C1orf210: variants seen among roughly 807,000 people sequenced by gnomAD.
C1orf210 encodes the protein chromosome 1 open reading frame 210.
A neutral mutation model predicts 3.7 loss-of-function variants in C1orf210; 3 were observed. The ratio of observed to expected loss-of-function variants is 0.81; its 90% CI spans 0.37 to 2.08. The LOEUF is 2.08. C1orf210 is among the 30% of genes most tolerant of loss of function. The pLI is 0.06. For missense variants in C1orf210, 143 were observed against 147.7 expected (o/e 0.97, Z 0.17); for synonymous variants, 62 against 61.7 (o/e 1.00, Z -0.02).
chr1:43,283,142 C>T (rs998875613), intron 2 of C1orf210, 35 bp from the exon 3 acceptor site: 1 of 1,601,234 alleles, frequency 6.2e-7, no homozygotes, highest in East Asian at 2.2e-5. Context: ...AGGTGGGCCC[C>T]AGAGGGGGCT....
At position 43,283,357 on chromosome 1, in the gene C1orf210, A is replaced by G; in HGVS notation, c.-87T>C. On this transcript the variant is annotated 5_prime_UTR_variant, in exon 2 of 3. Transcript: ENST00000523677. The stretch of plus-strand genomic sequence containing the variant: ...AGGCCCCCAGATGCCAGGCAGCCCC[A>G]GGGCACAAGTCCTAGAAAATAACAT... 1 of 1,556,506 alleles carries G rather than the reference A, an allele frequency of 6.4e-7. No homozygotes were observed. The highest frequency in any genetic ancestry group is 8.7e-7 in the Non-Finnish European group (1 of 1,144,280).
intron 2 of C1orf210, 40 bp from the exon 3 acceptor site, chr1:43,283,147 G>A: frequency 1.9e-6 from 3 of 1,599,170 alleles, no homozygotes; most frequent in Middle Eastern, 1.7e-4. Flanking sequence ...GGCCCCAGAG[G>A]GGGCTCCCTG....
In C1orf210 at chr1:43,282,740, A is replaced by C. The variant is rs756948744; in HGVS notation, c.*45T>G. ...CCCCATGTCATAACCACTGTCCTTA[A>C]GCTGTCAGGCATGGAGGGAGTGGGG... On this transcript the variant is annotated 3_prime_UTR_variant, in exon 3 of 3. Transcript: ENST00000523677. 4.0e-6 allele frequency: 6 copies of C among 1,508,556 alleles called. No individual in the cohort carries two copies. Among genetic ancestry groups the C allele is most frequent in the Non-Finnish European group, 5.4e-6 (6 of 1,107,492 alleles). The allele number at this position is 1,508,556 out of a possible 1,614,324, so 93.4% of individuals were successfully genotyped here. A position where few individuals can be genotyped will look rare whatever the true frequency, so the allele number is the denominator to read the frequency against.
In C1orf210 at chr1:43,283,283, T is replaced by A. The variant is rs893953330; in HGVS notation, c.-13A>T. ...TTGTCTCATTCATGGAGGGGCCTGA[T>A]GACACCAGTGAGTCTCAGCCTCAAC... On this transcript the variant is annotated 5_prime_UTR_variant, in exon 2 of 3. Transcript: ENST00000523677. The A allele has an allele frequency of 6.2e-7, 1 of 1,614,012 alleles. No individual in the cohort carries two copies. Among genetic ancestry groups the A allele is most frequent in the Non-Finnish European group, 8.5e-7 (1 of 1,179,952 alleles).
chr1:43,285,525 C>G lies in C1orf210; in HGVS notation c.-180G>C, dbSNP rs912183718. Reference sequence around the variant, plus strand: ...AGAGCCTGGGTACCCCCTCCCCGGCCCCCCCGGGCCTTCTCTTCTGTTCCC... The same window carrying G: ...AGAGCCTGGGTACCCCCTCCCCGGCGCCCCCGGGCCTTCTCTTCTGTTCCC... On this transcript the variant is annotated 5_prime_UTR_variant, in exon 1 of 3. Coordinates refer to ENST00000523677, the MANE Select transcript of C1orf210 (RefSeq NM_182517.3). The G allele has an allele frequency of 3.9e-5, 6 of 152,470 alleles. No homozygotes were observed. Among genetic ancestry groups the G allele is most frequent in the African/African-American group, 1.2e-4 (5 of 41,448 alleles). The allele number at this position is 152,470 out of a possible 1,614,324, so 9.4% of individuals were successfully genotyped here.
In C1orf210 at chr1:43,282,762, G is replaced by A. The variant is rs1439924276; in HGVS notation, c.*23C>T. 9 of 1,552,734 alleles carry A rather than the reference G, an allele frequency of 5.8e-6. No individual in the cohort carries two copies. The highest frequency in any genetic ancestry group is 1.4e-5 in the African/African-American group (1 of 73,838). ...TTAAGCTGTCAGGCATGGAGGGAGTGGGGAGGGTCTAAAGATGGGAGCTCA... is the reference window on the plus strand; with the variant it reads ...TTAAGCTGTCAGGCATGGAGGGAGTAGGGAGGGTCTAAAGATGGGAGCTCA... On this transcript the variant is annotated 3_prime_UTR_variant, in exon 3 of 3. Transcript: ENST00000523677.
At position 43,282,967 on chromosome 1, in the gene C1orf210, A is replaced by C. The variant is rs1646556464; in HGVS notation, c.160T>G (p.Cys54Gly). Residue 54 changes from cysteine to glycine, a missense_variant, in exon 3 of 3, where the codon TGC becomes GGC. Coordinates refer to ENST00000523677, the MANE Select transcript of C1orf210 (RefSeq NM_182517.3). ...GCATGGTATCGGCGGCAGAGGTGGC[A>C]TTTGGCAGCAAGTGCAATGAGGAGC... ...LSLLIALAAK[C>G]HLCRRYHASY... 6.2e-7 allele frequency: 1 copy of C among 1,614,000 alleles called. No individual in the cohort carries two copies. The highest frequency in any genetic ancestry group is 1.7e-5 in the Admixed American group (1 of 60,004).
Position 43,285,529 on chromosome 1 carries a change from C to G in C1orf210, c.-184G>C, listed in dbSNP as rs762173371. 6.6e-6 allele frequency: 1 copy of G among 152,542 alleles called. No homozygotes were observed. Among genetic ancestry groups the G allele is most frequent in the African/African-American group, 2.4e-5 (1 of 41,464 alleles). The allele number at this position is 152,542 out of a possible 1,614,324, so 9.4% of individuals were successfully genotyped here. A position where few individuals can be genotyped will look rare whatever the true frequency, so the allele number is the denominator to read the frequency against. On this transcript the variant is annotated 5_prime_UTR_variant, in exon 1 of 3. Coordinates refer to ENST00000523677, the MANE Select transcript of C1orf210 (RefSeq NM_182517.3). ...CCTGGGTACCCCCTCCCCGGCCCCC[C>G]CGGGCCTTCTCTTCTGTTCCCACCT...
chr1:43,283,135 TG>T (rs778481221), intron 2 of C1orf210, 28 bp from the exon 3 acceptor site: 18 of 1,603,934 alleles, frequency 1.1e-5, no homozygotes, highest in Non-Finnish European at 1.4e-5. Context: ...GCATTATAGG[TG>T]GGCCCCAGAG....
At position 43,282,391 on chromosome 1, in the gene C1orf210, G is replaced by A. The variant is rs558854690; in HGVS notation, c.*394C>T. On this transcript the variant is annotated 3_prime_UTR_variant, in exon 3 of 3. Transcript: ENST00000523677. ...ATAGAGGATTTAGGAGAAGAGTAGC[G>A]TAGGCAGGGGGACCAATGTGAGCAA... 4.5e-5 allele frequency: 8 copies of A among 178,264 alleles called. No homozygotes were observed. The East Asian group carries it at 6.4e-4, about 14-fold the overall frequency. 11.0% of individuals were successfully genotyped at this position (178,264 alleles called of 1,614,324 possible).
chr1:43,283,924 A>G (rs1646563071), intron 1 of C1orf210, among the ~76,000 whole-genome samples: 6 of 152,166 alleles, frequency 3.9e-5, no homozygotes, highest in Admixed American at 3.3e-4. Flanking sequence ...ACACAGCCAG[A>G]GCAGCCCTGG....
chr1:43,282,614 G>C lies in C1orf210; in HGVS notation c.*171C>G. The C allele has an allele frequency of 1.6e-6, 1 of 625,242 alleles. No homozygotes were observed. Among genetic ancestry groups the C allele is most frequent in the Non-Finnish European group, 2.8e-6 (1 of 353,482 alleles). The allele number at this position is 625,242 out of a possible 1,614,324, so 38.7% of individuals were successfully genotyped here. On this transcript the variant is annotated 3_prime_UTR_variant, in exon 3 of 3. Coordinates refer to ENST00000523677, the MANE Select transcript of C1orf210 (RefSeq NM_182517.3). ...CAGTTGAGAGTTATTGAGCAAGAGA[G>C]GGTCATTGTCACTTTGCTGGCTAGT...
Position 43,283,085 on chromosome 1 carries a change from G to A in C1orf210, c.42C>T (p.Leu14=), listed in dbSNP as rs1466960049. ...CAGGGGCCACAGCAGACGCTGTGGG[G>A]AGCTCCGAAGGCCCAACAAGTGCTG... ...TNKTLVGPSE[L]PTASAVAPGP... Residue 14 remains leucine (L), a synonymous_variant, in exon 3 of 3, where the codon CTC becomes CTT. Transcript: ENST00000523677. 1 of 1,613,520 alleles carries A rather than the reference G, an allele frequency of 6.2e-7. No homozygotes were observed. Among genetic ancestry groups the A allele is most frequent in the Non-Finnish European group, 8.5e-7 (1 of 1,179,622 alleles).
At chr1:43,283,165 C>A in intron 2 of C1orf210, 58 bp from the exon 3 acceptor site, 5 of 1,595,790 alleles carry the variant, frequency 3.1e-6, no homozygotes, top group Non-Finnish European at 4.3e-6. Flanking sequence ...CTGGAGAAAC[C>A]AAGAGCAGTG....
intron 1 of C1orf210, 75 bp from the exon 2 acceptor site, chr1:43,283,443 T>A (rs1479567185): frequency 2.5e-6 from 2 of 796,238 alleles, no homozygotes; most frequent in Non-Finnish European, 3.9e-6. Flanking sequence ...ACAGCCATGG[T>A]AGCCCTGCAC....
At position 43,282,836 on chromosome 1, in the gene C1orf210, A is replaced by C. The variant is rs997912766; in HGVS notation, c.291T>G (p.Pro97=). Residue 97 remains proline (P), a synonymous_variant, in exon 3 of 3, where the codon CCT becomes CCG. Coordinates refer to ENST00000523677, the MANE Select transcript of C1orf210 (RefSeq NM_182517.3). ...DGFIEDNYIQ[P]GTGELGTEGS... ...CCTCTGTCCCCAGCTCGCCAGTCCC[A>C]GGCTGAATGTAATTGTCCTCGATGA... 5 of 1,613,590 alleles carry C rather than the reference A, an allele frequency of 3.1e-6. No homozygotes were observed. The African/African-American group carries it at 6.7e-5, about 22-fold the overall frequency.
rs57070122 is a variant in C1orf210 at position 43,282,266 on chromosome 1, G to GAA, written c.*517_*518dup. On this transcript the variant is annotated 3_prime_UTR_variant, in exon 3 of 3. Transcript: ENST00000523677. ...GCAACAGAGTGAGACTCCGTCTCAG[G>GAA]AAAAAAAAAAAAAGGAAGCTTGGCA... 2.4e-3 allele frequency: 350 copies of GAA among 145,630 alleles called. No homozygotes were observed. The highest frequency in any genetic ancestry group is 3.5e-3 in the Middle Eastern group (1 of 282). The allele number at this position is 145,630 out of a possible 1,614,324, so 9.0% of individuals were successfully genotyped here.
chr1:43,282,432 C>A lies in C1orf210; in HGVS notation c.*353G>T. ...ATGTGAGCAAAGGTGCCTGGGGAAACTGCATGGGAAGTGGTGGGAGGGAGA... is the reference window on the plus strand; with the variant it reads ...ATGTGAGCAAAGGTGCCTGGGGAAAATGCATGGGAAGTGGTGGGAGGGAGA... On this transcript the variant is annotated 3_prime_UTR_variant, in exon 3 of 3. Transcript: ENST00000523677. 4.6e-6 allele frequency: 1 copy of A among 217,660 alleles called. No homozygotes were observed. The highest frequency in any genetic ancestry group is 9.0e-6 in the Non-Finnish European group (1 of 110,524). The allele number at this position is 217,660 out of a possible 1,614,324, so 13.5% of individuals were successfully genotyped here.
intron 1 of C1orf210, among the ~76,000 whole-genome samples, chr1:43,283,824 A>C (rs1646561956): frequency 6.6e-6 from 1 of 152,178 alleles, no homozygotes; most frequent in Non-Finnish European, 1.5e-5. Flanking sequence ...CGAAGGTCAG[A>C]AAACAGCAAT....
Sources: gnomAD v4.1 joint callset for allele counts (sites outside exome capture counted in the v4.1 genomes callset) on GRCh38, gnomAD v4.1.1 for gene constraint, MANE v1.5 for transcripts, NCBI Gene and HGNC (gene_info 2026-07-23, HGNC 2026-07-21) for gene names.